The following DPP10 variants were observed in gnomAD, a reference collection of about 807,000 sequenced individuals.
DPP10 encodes dipeptidyl peptidase like 10.
In DPP10, 33 loss-of-function variants were observed where a neutral mutation model predicts 120.9. The observed-to-expected ratio is 0.27, with a 90% CI of 0.21 to 0.37. The LOEUF (loss-of-function observed/expected upper bound fraction) is 0.37. Ranked by LOEUF, DPP10 falls within the 10% of genes least tolerant of loss-of-function variation. DPP10 has a pLI of 1.00. For synonymous variants in DPP10, 337 were observed against 326.1 expected (o/e 1.03, Z -0.36); for missense variants, 816 against 942.8 (o/e 0.87, Z 1.76).
At chr2:115,159,233 C>T (rs11900572) in intron 1 of DPP10, among the ~76,000 whole-genome samples, 6 of 151,808 alleles carry the variant, frequency 4.0e-5, no homozygotes, top group African/African-American at 4.8e-5. Flanking sequence ...CCGGGGTGGG[C>T]GGATAACTAG....
intron 5 of DPP10, among the ~76,000 whole-genome samples, chr2:115,681,665 T>G (rs1261299322): frequency 6.6e-6 from 1 of 151,462 alleles, no homozygotes; most frequent in East Asian, 1.9e-4. Context: ...TGAATTGTGG[T>G]TTTTTTCCCC....
At chr2:114,942,298 C>CATATATATATATATAT (rs752991108) in intron 1 of DPP10, among the ~76,000 whole-genome samples, 91 of 104,666 alleles carry the variant, frequency 8.7e-4, no homozygotes, top group African/African-American at 3.4e-3. Context: ...TATATATATA[C>CATATATATATATATAT]ATATATATAT....
intron 1 of DPP10, among the ~76,000 whole-genome samples, chr2:115,025,866 GTGTT>G (rs749482120): frequency 7.2e-5 from 11 of 151,746 alleles, no homozygotes; most frequent in Non-Finnish European, 1.6e-4. Context: ...GTCTTTTTGG[GTGTT>G]TGTTTGTTTG....
At chr2:114,731,648 G>A (rs1275201012) in intron 1 of DPP10, among the ~76,000 whole-genome samples, 1 of 152,142 alleles carries the variant, frequency 6.6e-6, no homozygotes, top group Non-Finnish European at 1.5e-5. Context: ...CATTCTGTAG[G>A]AGAACTGACT....
intron 1 of DPP10, among the ~76,000 whole-genome samples, chr2:114,816,190 C>T (rs886560562): frequency 1.3e-5 from 2 of 152,128 alleles, no homozygotes; most frequent in African/African-American, 4.8e-5. Flanking sequence ...CTTTGTTAGC[C>T]CTTTTTTGTC....
At chr2:115,777,187 A>G in intron 13 of DPP10, 21 bp from the exon 14 acceptor site, 1 of 1,607,394 alleles carries the variant, frequency 6.2e-7, no homozygotes, top group East Asian at 2.2e-5. Context: ...AGGAAAATCA[A>G]TATTTTCTAT....
intron 1 of DPP10, among the ~76,000 whole-genome samples, chr2:115,169,347 A>G (rs944049176): frequency 6.6e-6 from 1 of 152,152 alleles, no homozygotes; most frequent in African/African-American, 2.4e-5. Flanking sequence ...TCAGAAGGAT[A>G]TTTTCTTCTT....
intron 1 of DPP10, among the ~76,000 whole-genome samples, chr2:114,731,874 C>G (rs1676953015): frequency 6.6e-6 from 1 of 152,136 alleles, no homozygotes. Context: ...CATGTTATAA[C>G]TTAGGAGTGA....
intron 1 of DPP10, among the ~76,000 whole-genome samples, chr2:114,557,740 C>T (rs1451112667): frequency 6.6e-6 from 1 of 152,022 alleles, no homozygotes; most frequent in African/African-American, 2.4e-5. Flanking sequence ...TCTAATGGCT[C>T]GGCTCGCGAC....
intron 1 of DPP10, among the ~76,000 whole-genome samples, chr2:115,224,259 G>A (rs2057324284): frequency 6.6e-6 from 1 of 152,076 alleles, no homozygotes; most frequent in South Asian, 2.1e-4. Context: ...AAAGAATTGA[G>A]TTAACTATGT....
intron 1 of DPP10, among the ~76,000 whole-genome samples, chr2:114,518,340 C>T (rs1371252895): frequency 6.6e-6 from 1 of 151,844 alleles, no homozygotes; most frequent in Non-Finnish European, 1.5e-5. Context: ...GGCCTCCCAA[C>T]GTGCTAGGAT....
intron 21 of DPP10, among the ~76,000 whole-genome samples, chr2:115,833,352 G>T (rs1689122092): frequency 6.6e-6 from 1 of 152,144 alleles, no homozygotes; most frequent in Non-Finnish European, 1.5e-5. Context: ...GCTAAGATGT[G>T]TGATGCATTC....
intron 5 of DPP10, among the ~76,000 whole-genome samples, chr2:115,588,036 T>C (rs1338667871): frequency 1.3e-5 from 2 of 152,204 alleles, no homozygotes; most frequent in African/African-American, 4.8e-5. Flanking sequence ...ATTATACTTT[T>C]TAAAAACTTA....
chr2:115,725,681 TTGGGTGAGG>T (rs1296321129), intron 7 of DPP10, among the ~76,000 whole-genome samples: 1 of 152,178 alleles, frequency 6.6e-6, no homozygotes, highest in Non-Finnish European at 1.5e-5. Flanking sequence ...CCATATTACT[TTGGGTGAGG>T]TCACCTCCAC....
intron 1 of DPP10, among the ~76,000 whole-genome samples, chr2:114,562,817 C>G (rs897564993): frequency 6.6e-6 from 1 of 152,034 alleles, no homozygotes; most frequent in Non-Finnish European, 1.5e-5. Context: ...GTATATGTAA[C>G]CTTTCCAAAT....
chr2:115,118,635 T>C (rs751335053), intron 1 of DPP10, among the ~76,000 whole-genome samples: 210 of 152,184 alleles, frequency 1.4e-3, no homozygotes, highest in Admixed American at 3.1e-3. Flanking sequence ...TGGAGTGCAG[T>C]AGTGCAATCT....
At chr2:115,036,674 T>C (rs1016575075) in intron 1 of DPP10, among the ~76,000 whole-genome samples, 3 of 152,172 alleles carry the variant, frequency 2.0e-5, no homozygotes, top group African/African-American at 7.2e-5. Context: ...GTGAGCACTA[T>C]TGGTTTTTAT....
In DPP10 at chr2:114,587,713, A is replaced by G. The variant is rs551178355; in HGVS notation, c.60+144875A>G. On this transcript the variant is annotated intron_variant, in intron 1 of 25. Transcript: ENST00000410059. ...AATAGAGCAATAAAGCAATTTTCTC[A>G]CATTCCCTCAAACACTGTAAACTCT... Among the ~76,000 whole-genome samples, 26 of 152,342 alleles carry G rather than the reference A, an allele frequency of 1.7e-4. 1 individual carries two copies. The highest frequency in any genetic ancestry group is 4.8e-4 in the African/African-American group (20 of 41,586).
At chr2:114,783,977 G>A (rs751662454) in intron 1 of DPP10, among the ~76,000 whole-genome samples, 11 of 151,928 alleles carry the variant, frequency 7.2e-5, no homozygotes, top group Non-Finnish European at 1.0e-4. Flanking sequence ...CTGCCTTGGG[G>A]TTTCTGTAAG....
Sources: allele counts gnomAD v4.1 joint callset (sites outside exome capture counted in the v4.1 genomes callset), GRCh38; gene constraint gnomAD v4.1.1; transcripts MANE v1.5; gene names NCBI Gene and HGNC (gene_info 2026-07-23, HGNC 2026-07-21).